MXD1: variants seen among roughly 807,000 people sequenced by gnomAD.
MXD1 encodes MAX-binding protein.
A neutral mutation model predicts 25.7 loss-of-function variants in MXD1; 9 were observed. The observed-to-expected ratio is 0.35, with a 90% confidence interval of 0.21 to 0.61. The LOEUF (loss-of-function observed/expected upper bound fraction) is 0.61. Ranked by LOEUF, MXD1 falls within the 20% of genes least tolerant of loss-of-function variation. MXD1 has a pLI of 0.75. For missense variants in MXD1, 227 were observed against 292.4 expected (o/e 0.78, Z 1.63); for synonymous variants, 99 against 113.9 (o/e 0.87, Z 0.83).
Position 69,915,531 on chromosome 2 carries a change from C to G in MXD1, c.73+128C>G, listed in dbSNP as rs1389912039. 3.0e-6 allele frequency: 2 copies of G among 667,258 alleles called. No individual in the cohort carries two copies. The highest frequency in any genetic ancestry group is 3.8e-5 in the African/African-American group (2 of 53,298). 41.3% of individuals were successfully genotyped at this position (667,258 alleles called of 1,614,324 possible). On this transcript the variant is annotated intron_variant, in intron 1 of 5. Coordinates refer to ENST00000264444, the MANE Select transcript of MXD1 (RefSeq NM_002357.4). This position sits in a 1 kb window ranked among gnomAD's most constrained non-coding sequence, Gnocchi z 5.8. ...GGGAGACCGCGAGCGCTCCCAACCC[C>G]TCTGGCTCTCCCCACGCGCGGTCCG...
At chr2:69,921,356 T>C (rs1167160043) in intron 2 of MXD1, among the ~76,000 whole-genome samples, 1 of 152,186 alleles carries the variant, frequency 6.6e-6, no homozygotes, top group Non-Finnish European at 1.5e-5. Context: ...AGGGGTGGGG[T>C]AGGGGTGCTA....
Position 69,937,401 on chromosome 2 carries a change from C to G in MXD1, c.478+7C>G. 1 of 1,593,842 alleles carries G rather than the reference C, an allele frequency of 6.3e-7. No individual in the cohort carries two copies. Among genetic ancestry groups the G allele is most frequent in the Non-Finnish European group, 8.6e-7 (1 of 1,169,488 alleles). On this transcript the variant is annotated splice_region_variant and intron_variant, in intron 5 of 5. Transcript: ENST00000264444. ...CGCTCCGACTCCGACAGGGGTGAGC[C>G]TCTCTCACTCTCCTCCCTGTCTCCC...
intron 2 of MXD1, among the ~76,000 whole-genome samples, chr2:69,920,145 C>G (rs569045467): frequency 6.6e-6 from 1 of 152,154 alleles, no homozygotes; most frequent in Non-Finnish European, 1.5e-5. Flanking sequence ...CGCGCCACCA[C>G]GCCCGGCTAA....
chr2:69,923,148 A>G (rs1388882515), intron 3 of MXD1, among the ~76,000 whole-genome samples: 6 of 152,144 alleles, frequency 3.9e-5, no homozygotes, highest in Non-Finnish European at 2.9e-5. Context: ...GAGCTTTTAA[A>G]AGCCAACAAA....
chr2:69,923,165 A>AAC (rs765451454), intron 3 of MXD1, among the ~76,000 whole-genome samples: 9 of 152,190 alleles, frequency 5.9e-5, no homozygotes, highest in Non-Finnish European at 1.3e-4. Flanking sequence ...CAAACAAACA[A>AAC]ACAAAATAAT....
At chr2:69,935,263 C>T in intron 3 of MXD1, 88 bp from the exon 4 acceptor site, 2 of 929,294 alleles carry the variant, frequency 2.2e-6, no homozygotes, top group Non-Finnish European at 1.7e-6. Flanking sequence ...GCCTGGGCAA[C>T]TTCACACTCT....
rs1451004331 is a variant in MXD1, at chr2:69,940,403, A to T, written c.*2119A>T. On this transcript the variant is annotated 3_prime_UTR_variant, in exon 6 of 6. Coordinates refer to ENST00000264444, the MANE Select transcript of MXD1 (RefSeq NM_002357.4). The stretch of plus-strand genomic sequence containing the variant: ...CATTGCTACATCCAAGCGCCTCACA[A>T]GTCCACAATGCGGGACAGCATCAAA... 4 of 152,560 alleles carry T rather than the reference A, an allele frequency of 2.6e-5. No individual in the cohort carries two copies. The highest frequency in any genetic ancestry group is 4.4e-5 in the Non-Finnish European group (3 of 68,040). The allele number at this position is 152,560 out of a possible 1,614,324, so 9.5% of individuals were successfully genotyped here.
At position 69,915,215 on chromosome 2, in the gene MXD1, G is replaced by A; in HGVS notation, c.-116G>A. On this transcript the variant is annotated 5_prime_UTR_variant, in exon 1 of 6. Transcript: ENST00000264444. The surrounding 1 kb of genome is among the most constrained non-coding windows in gnomAD (Gnocchi z 5.8). ...AGAGGCTCCCTCAGCCCTGCTCCGC[G>A]GGGTCCACAGCGGGCTCCACAGCGG... The A allele has an allele frequency of 1.1e-6, 1 of 927,462 alleles. No individual in the cohort carries two copies. Among genetic ancestry groups the A allele is most frequent in the Non-Finnish European group, 1.4e-6 (1 of 691,712 alleles). 57.5% of individuals were successfully genotyped at this position (927,462 alleles called of 1,614,324 possible). A position where few individuals can be genotyped will look rare whatever the true frequency, so the allele number is the denominator to read the frequency against.
intron 4 of MXD1, among the ~76,000 whole-genome samples, chr2:69,936,551 A>G (rs1677448426): frequency 6.6e-6 from 1 of 152,242 alleles, no homozygotes. Flanking sequence ...AGAAGCCTGC[A>G]TTCATGACAA....
intron 3 of MXD1, among the ~76,000 whole-genome samples, chr2:69,928,298 T>C (rs766212339): frequency 1.3e-4 from 19 of 151,728 alleles, no homozygotes; most frequent in Non-Finnish European, 2.1e-4. Context: ...CTGTTGAGGG[T>C]GATCTATTTG....
At chr2:69,923,836 C>A (rs1440835479) in intron 3 of MXD1, among the ~76,000 whole-genome samples, 3 of 152,202 alleles carry the variant, frequency 2.0e-5, no homozygotes, top group Admixed American at 6.5e-5. Context: ...TCCCTTCTTC[C>A]TGCCTTTGCA....
chr2:69,936,410 C>G (rs1677441372), intron 4 of MXD1, among the ~76,000 whole-genome samples: 1 of 152,166 alleles, frequency 6.6e-6, no homozygotes, highest in Admixed American at 6.5e-5. Context: ...AGTTGACACT[C>G]TCTTTGCTAC....
At chr2:69,924,236 A>G (rs1391067132) in intron 3 of MXD1, among the ~76,000 whole-genome samples, 1 of 152,244 alleles carries the variant, frequency 6.6e-6, no homozygotes, top group African/African-American at 2.4e-5. Context: ...ACAAGAAGCT[A>G]GAGGTAAAAA....
Position 69,915,187 on chromosome 2 carries a change from C to T in MXD1, c.-144C>T. 4 of 650,314 alleles carry T rather than the reference C, an allele frequency of 6.2e-6. No individual in the cohort carries two copies. The highest frequency in any genetic ancestry group is 9.0e-6 in the Non-Finnish European group (4 of 446,594). 40.3% of individuals were successfully genotyped at this position (650,314 alleles called of 1,614,324 possible). On this transcript the variant is annotated 5_prime_UTR_variant, in exon 1 of 6. Coordinates refer to ENST00000264444, the MANE Select transcript of MXD1 (RefSeq NM_002357.4). The surrounding 1 kb of genome is among the most constrained non-coding windows in gnomAD (Gnocchi z 5.8). ...TCCCTCTCTTGTCGAGCGTGGTTGC[C>T]AGAGAGGCTCCCTCAGCCCTGCTCC...
In MXD1 at chr2:69,938,977, A is replaced by G. The variant is rs893399862; in HGVS notation, c.*693A>G. 1.3e-5 allele frequency: 2 copies of G among 152,592 alleles called. No individual in the cohort carries two copies. Among genetic ancestry groups the G allele is most frequent in the African/African-American group, 2.4e-5 (1 of 41,442 alleles). 9.5% of individuals were successfully genotyped at this position (152,592 alleles called of 1,614,324 possible). A position where few individuals can be genotyped will look rare whatever the true frequency, so the allele number is the denominator to read the frequency against. On this transcript the variant is annotated 3_prime_UTR_variant, in exon 6 of 6. Transcript: ENST00000264444. ...TTGTTCTCACAAACAAAACGGTACAATCTATTTTTGTGCGATGTTCTTGGG... is the reference window on the plus strand; with the variant it reads ...TTGTTCTCACAAACAAAACGGTACAGTCTATTTTTGTGCGATGTTCTTGGG...
chr2:69,921,433 A>C (rs1677061904), intron 2 of MXD1, among the ~76,000 whole-genome samples: 1 of 152,344 alleles, frequency 6.6e-6, no homozygotes, highest in East Asian at 1.9e-4. Flanking sequence ...TTCACATTGC[A>C]TCGTGCAGCT....
chr2:69,934,221 T>A (rs561304087), intron 3 of MXD1, among the ~76,000 whole-genome samples: 1 of 152,178 alleles, frequency 6.6e-6, no homozygotes, highest in South Asian at 2.1e-4. Flanking sequence ...TATAAACAGT[T>A]AAGTGGTGCT....
rs570034711 is a variant in MXD1, at chr2:69,938,320, T to G, written c.*36T>G. The G allele has an allele frequency of 6.2e-7, 1 of 1,605,962 alleles. No individual in the cohort carries two copies. The highest frequency in any genetic ancestry group is 1.1e-5 in the South Asian group (1 of 90,126). On this transcript the variant is annotated 3_prime_UTR_variant, in exon 6 of 6. Coordinates refer to ENST00000264444, the MANE Select transcript of MXD1 (RefSeq NM_002357.4). ...ACTGCGGCTGTCTCCTTGAAGGTTC[T>G]CCCTGTTGGTTCTGATTAGGTAACG...
Position 69,941,899 on chromosome 2 carries a change from G to A in MXD1, c.*3615G>A, listed in dbSNP as rs1314997344. ...ACACACACACACATATTATTATTTA[G>A]GTTTTTATACCATACTGTATTGGCG... On this transcript the variant is annotated 3_prime_UTR_variant, in exon 6 of 6. Coordinates refer to ENST00000264444, the MANE Select transcript of MXD1 (RefSeq NM_002357.4). 6.6e-6 allele frequency: 1 copy of A among 151,156 alleles called. No homozygotes were observed. Among genetic ancestry groups the A allele is most frequent in the Non-Finnish European group, 1.5e-5 (1 of 67,658 alleles). The allele number at this position is 151,156 out of a possible 1,614,324, so 9.4% of individuals were successfully genotyped here.
Sources: allele counts gnomAD v4.1 joint callset (sites outside exome capture counted in the v4.1 genomes callset), GRCh38; gene constraint gnomAD v4.1.1; non-coding constraint Gnocchi (gnomAD v3.1); transcripts MANE v1.5; gene names NCBI Gene and HGNC (gene_info 2026-07-23, HGNC 2026-07-21).